Variants in PPARGC1B observed in about 807,000 individuals in gnomAD.
The protein encoded by PPARGC1B is PPARG coactivator 1 beta.
In PPARGC1B, 34 loss-of-function variants were observed where a neutral mutation model predicts 101.6. The observed-to-expected ratio is 0.33, with a 90% CI of 0.25 to 0.45. The LOEUF is 0.45. PPARGC1B is among the 20% of genes least tolerant of loss of function. PPARGC1B has a pLI of 1.00. For synonymous variants in PPARGC1B, 548 were observed against 539.3 expected (o/e 1.02, Z -0.22); for missense variants, 1,234 against 1,317.6 (o/e 0.94, Z 0.98).
At chr5:149,755,720 T>G (rs1487222832) in intron 1 of PPARGC1B, among the ~76,000 whole-genome samples, 1 of 151,552 alleles carries the variant, frequency 6.6e-6, no homozygotes, top group Admixed American at 6.6e-5. Context: ...CTTGGCTCAC[T>G]GCAACCTCTG....
rs762314934 is a variant in PPARGC1B, at chr5:149,826,756, C to T, written c.336C>T (p.Ala112=). The change falls in exon 3 of 12, where the codon GCC becomes GCT. Residue 112 remains alanine, a synonymous_variant. Coordinates refer to ENST00000309241, the MANE Select transcript of PPARGC1B (RefSeq NM_133263.4). The stretch of plus-strand genomic sequence containing the variant: ...CTGAAGATGACGTGGGTCTGGCTGC[C>T]TTCCCAGCCCTGGATGGTGGAGACG... The part of the protein sequence containing the change: ...DIPEDDVGLA[A]FPALDGGDAL... 3 of 1,613,968 alleles carry T rather than the reference C, an allele frequency of 1.9e-6. No individual in the cohort carries two copies. Among genetic ancestry groups the T allele is most frequent in the Admixed American group, 3.3e-5 (2 of 59,998 alleles).
At chr5:149,840,210 G>C (rs1759278112) in intron 9 of PPARGC1B, 94 bp downstream of exon 9, 1 of 1,206,298 alleles carries the variant, frequency 8.3e-7, no homozygotes, top group Non-Finnish European at 1.2e-6. Flanking sequence ...AGGCTGGCTG[G>C]TGAGCCCCTC....
chr5:149,768,084 T>G (rs1755984663), intron 1 of PPARGC1B, among the ~76,000 whole-genome samples: 1 of 151,970 alleles, frequency 6.6e-6, no homozygotes, highest in Non-Finnish European at 1.5e-5. Flanking sequence ...AATCTTGTTT[T>G]GGTTGCTGTC....
chr5:149,755,816 G>A (rs1347398832), intron 1 of PPARGC1B, among the ~76,000 whole-genome samples: 2 of 151,734 alleles, frequency 1.3e-5, no homozygotes, highest in African/African-American at 4.8e-5. Flanking sequence ...GCTAATTTTT[G>A]TATTTTTAGT....
intron 11 of PPARGC1B, chr5:149,846,564 G>A (rs1172991088): frequency 6.5e-6 from 1 of 153,204 alleles, no homozygotes; most frequent in Non-Finnish European, 1.4e-5. Context: ...AACCCAAGAG[G>A]TTGGAGCTGC....
At chr5:149,829,151 G>A (rs553234906) in intron 3 of PPARGC1B, among the ~76,000 whole-genome samples, 1 of 152,292 alleles carries the variant, frequency 6.6e-6, no homozygotes, top group African/African-American at 2.4e-5. Context: ...GACTTGTAAG[G>A]ACCTGTGGAC....
At chr5:149,732,867 A>C (rs1174991044) in intron 1 of PPARGC1B, 2 of 474,186 alleles carry the variant, frequency 4.2e-6, no homozygotes, top group Admixed American at 2.3e-5. Flanking sequence ...TAGAAATAGC[A>C]CTGGACTTGG....
Position 149,840,420 on chromosome 5 carries a change from GGGCTGTGGTAGTGGGGAGCAGAGCCA to G in PPARGC1B, c.2694+310_2694+335del, listed in dbSNP as rs147303543. 6.6e-3 allele frequency among the ~76,000 whole-genome samples: 1,007 copies of G among 152,256 alleles called. 13 individuals carry two copies. Among genetic ancestry groups the G allele is most frequent in the African/African-American group, 0.023 (953 of 41,530 alleles). On this transcript the variant is annotated intron_variant, in intron 9 of 11. Coordinates refer to ENST00000309241, the MANE Select transcript of PPARGC1B (RefSeq NM_133263.4). ...GGGGCCTTGAGAGAGCCAAGTGGGC[GGGCTGTGGTAGTGGGGAGCAGAGCCA>G]GGCTGGCCAGGTTACAAGTCAGCCC...
intron 1 of PPARGC1B, among the ~76,000 whole-genome samples, chr5:149,789,236 TCAGC>T (rs924913590): frequency 9.2e-5 from 14 of 152,280 alleles, no homozygotes; most frequent in African/African-American, 3.4e-4. Flanking sequence ...TTTACTTTTT[TCAGC>T]TCTCTTACTT....
intron 1 of PPARGC1B, among the ~76,000 whole-genome samples, chr5:149,732,231 G>C (rs1240436259): frequency 6.6e-6 from 1 of 152,194 alleles, no homozygotes; most frequent in East Asian, 1.9e-4. Context: ...GACAGCTTGG[G>C]GCTAGCGGGC....
chr5:149,753,252 G>C (rs1755382977), intron 1 of PPARGC1B, among the ~76,000 whole-genome samples: 1 of 152,158 alleles, frequency 6.6e-6, no homozygotes, highest in Non-Finnish European at 1.5e-5. Flanking sequence ...TGTTGCCCAG[G>C]CTGGAGTGCA....
chr5:149,754,519 A>G (rs1755433978), intron 1 of PPARGC1B, among the ~76,000 whole-genome samples: 1 of 152,152 alleles, frequency 6.6e-6, no homozygotes, highest in Middle Eastern at 3.2e-3. Context: ...TGTTTTTAAA[A>G]CTGTAGAAAG....
intron 11 of PPARGC1B, 65 bp from the exon 12 acceptor site, chr5:149,847,393 C>G (rs868736066): frequency 8.2e-7 from 1 of 1,212,692 alleles, no homozygotes; most frequent in South Asian, 1.2e-5. Context: ...ATTCTTCAAC[C>G]ATCCGGTCTT....
At chr5:149,780,420 C>G (rs903221590) in intron 1 of PPARGC1B, among the ~76,000 whole-genome samples, 2 of 152,214 alleles carry the variant, frequency 1.3e-5, no homozygotes, top group Non-Finnish European at 2.9e-5. Context: ...CAGCTCTCCA[C>G]TGTCTCAGCA....
chr5:149,735,943 G>A (rs868640362), intron 1 of PPARGC1B, among the ~76,000 whole-genome samples: 1 of 152,208 alleles, frequency 6.6e-6, no homozygotes, highest in African/African-American at 2.4e-5. Flanking sequence ...GACCAACGTG[G>A]TGAAACCCCG....
chr5:149,784,239 T>G, intron 1 of PPARGC1B, among the ~76,000 whole-genome samples: 1 of 152,102 alleles, frequency 6.6e-6, no homozygotes, highest in Non-Finnish European at 1.5e-5. Flanking sequence ...AGTCCTACCC[T>G]TGAATATAGA....
intron 1 of PPARGC1B, among the ~76,000 whole-genome samples, chr5:149,798,779 C>T (rs546619698): frequency 1.3e-5 from 2 of 152,322 alleles, no homozygotes; most frequent in African/African-American, 2.4e-5. Context: ...GACTCAGTTT[C>T]CTCATCTGTA....
chr5:149,742,093 A>G (rs1045345154), intron 1 of PPARGC1B, among the ~76,000 whole-genome samples: 40 of 152,310 alleles, frequency 2.6e-4, no homozygotes, highest in African/African-American at 9.6e-4. Context: ...GCCCTGTGCC[A>G]CATCCTTCAC....
At chr5:149,775,165 C>T (rs1756306621) in intron 1 of PPARGC1B, among the ~76,000 whole-genome samples, 1 of 152,164 alleles carries the variant, frequency 6.6e-6, no homozygotes, top group Non-Finnish European at 1.5e-5. Context: ...TCACCTCCTA[C>T]TCTGGGCGTT....
Sources: gnomAD v4.1 joint callset for allele counts (sites outside exome capture counted in the v4.1 genomes callset) on GRCh38, gnomAD v4.1.1 for gene constraint, MANE v1.5 for transcripts, NCBI Gene and HGNC (gene_info 2026-07-23, HGNC 2026-07-21) for gene names.